Variants in MYCBPAP observed in about 807,000 individuals in gnomAD.
MYCBPAP encodes MYCBP-associated protein.
Under a neutral mutation model 106.1 loss-of-function variants are expected in MYCBPAP, and 60 were observed. The observed-to-expected ratio is 0.57, with a 90% CI of 0.46 to 0.70. The LOEUF (loss-of-function observed/expected upper bound fraction) is 0.70, where lower values mean the gene tolerates loss of function less well. Ranked by LOEUF, MYCBPAP falls within the 30% of genes least tolerant of loss-of-function variation. The pLI is 0.00. For missense variants in MYCBPAP, 1,064 were observed against 1,169.3 expected (o/e 0.91, Z 1.31); for synonymous variants, 407 against 440.6 (o/e 0.92, Z 0.95).
chr17:50,517,159 A>G, intron 2 of MYCBPAP, 134 bp from the exon 3 acceptor site: 1 of 797,590 alleles, frequency 1.3e-6, no homozygotes, highest in Non-Finnish European at 2.1e-6. Flanking sequence ...CCTTGACAGA[A>G]CATATGGACA....
At chr17:50,518,032 T>C (rs902906682) in intron 4 of MYCBPAP, among the ~76,000 whole-genome samples, 2 of 152,210 alleles carry the variant, frequency 1.3e-5, no homozygotes, top group Non-Finnish European at 2.9e-5. Flanking sequence ...ACTGTCTTGA[T>C]TTTCCCTTCT....
intron 15 of MYCBPAP, among the ~76,000 whole-genome samples, chr17:50,527,700 G>A (rs376241743): frequency 1.5e-3 from 231 of 152,258 alleles, no homozygotes; most frequent in African/African-American, 5.2e-3. Context: ...AAGAAGACGG[G>A]GGGCAGATTC....
chr17:50,516,781 C>T lies in MYCBPAP; in HGVS notation c.204+84C>T, dbSNP rs971504717. 1.9e-5 allele frequency: 28 copies of T among 1,512,148 alleles called. No homozygotes were observed. In the African/African-American group the frequency reaches 2.8e-4, roughly 15 times the overall value. 93.7% of individuals were successfully genotyped at this position (1,512,148 alleles called of 1,614,324 possible). A position where few individuals can be genotyped will look rare whatever the true frequency, so the allele number is the denominator to read the frequency against. On this transcript the variant is annotated intron_variant, in intron 2 of 18. Transcript: ENST00000323776. The stretch of plus-strand genomic sequence containing the variant: ...GTGGTCTAGAACACCAGCCATGTCC[C>T]TACTCATGGGGAGTGTCTAACTCCA...
chr17:50,521,872 C>A, intron 9 of MYCBPAP, 101 bp from the exon 10 acceptor site: 2 of 1,012,546 alleles, frequency 2.0e-6, no homozygotes, highest in Admixed American at 1.8e-5. Context: ...CAGGGTAGAG[C>A]TGGTTGTGTT....
chr17:50,521,027 G>A (rs914076115), intron 7 of MYCBPAP, 83 bp from the exon 8 acceptor site: 4 of 1,063,790 alleles, frequency 3.8e-6, no homozygotes, highest in Non-Finnish European at 5.6e-6. Flanking sequence ...TGTTGGGATA[G>A]GCACTCTCAG....
intron 12 of MYCBPAP, among the ~76,000 whole-genome samples, chr17:50,524,107 C>T (rs374287107): frequency 5.3e-5 from 8 of 152,300 alleles, no homozygotes; most frequent in South Asian, 2.1e-4. Context: ...TTTTGTTCAT[C>T]GCTGTCTGGT....
At chr17:50,512,447 T>C (rs1482419437) in intron 1 of MYCBPAP, among the ~76,000 whole-genome samples, 2 of 152,158 alleles carry the variant, frequency 1.3e-5, no homozygotes, top group Admixed American at 1.3e-4. Flanking sequence ...CTGGAGCATC[T>C]TGGTTTGCCG....
intron 1 of MYCBPAP, chr17:50,515,824 T>G (rs1398285901): frequency 6.6e-6 from 1 of 152,232 alleles, no homozygotes; most frequent in Non-Finnish European, 1.5e-5. Context: ...ATGGAACATC[T>G]TTTTTGTATA....
Position 50,519,738 on chromosome 17 carries a change from G to A in MYCBPAP, c.867G>A (p.Met289Ile), listed in dbSNP as rs568381203. 17 of 1,614,114 alleles carry A rather than the reference G, an allele frequency of 1.1e-5. No homozygotes were observed. The East Asian group carries it at 3.6e-4, about 34-fold the overall frequency. Residue 289 changes from methionine (M) to isoleucine (I), a missense_variant, in exon 7 of 19, where the codon ATG (methionine) becomes ATA (isoleucine). By Grantham distance (10) the Met-to-Ile change is conservative. Transcript: ENST00000323776. ...MTKTKTQRGL[M>I]EPITHIRKPH... ...AGACAAAAACTCAGCGTGGCCTCAT[G>A]GAGCCCATCACTCACATCAGGAAGC...
chr17:50,514,077 A>T (rs2033956433), intron 1 of MYCBPAP, among the ~76,000 whole-genome samples: 1 of 152,156 alleles, frequency 6.6e-6, no homozygotes, highest in Non-Finnish European at 1.5e-5. Context: ...ATTTTTAAGG[A>T]TAGGTTCTCC....
At chr17:50,515,309 T>C (rs112040745) in intron 1 of MYCBPAP, among the ~76,000 whole-genome samples, 32 of 152,110 alleles carry the variant, frequency 2.1e-4, no homozygotes, top group Admixed American at 1.1e-3. Flanking sequence ...TTGTTTCCCA[T>C]TGGGCATGTG....
At chr17:50,519,819 C>T (rs763154764) in intron 7 of MYCBPAP, 32 bp downstream of exon 7, 1 of 1,604,220 alleles carries the variant, frequency 6.2e-7, no homozygotes, top group Non-Finnish European at 8.5e-7. Flanking sequence ...CAGCTAGCAT[C>T]TTGTGCCTGG....
At chr17:50,528,951 T>A (rs2034548484) in intron 17 of MYCBPAP, 67 bp from the exon 18 acceptor site, 1 of 1,598,830 alleles carries the variant, frequency 6.3e-7, no homozygotes, top group Admixed American at 1.7e-5. Flanking sequence ...AGTGAGCTAC[T>A]GTTGAGGACA....
chr17:50,515,255 C>G (rs913551833), intron 1 of MYCBPAP, among the ~76,000 whole-genome samples: 7 of 152,168 alleles, frequency 4.6e-5, no homozygotes, highest in East Asian at 3.9e-4. Context: ...TGTTCCCCCC[C>G]ACCATGTTCC....
At chr17:50,511,775 A>G (rs1555618326) in intron 1 of MYCBPAP, among the ~76,000 whole-genome samples, 1 of 152,176 alleles carries the variant, frequency 6.6e-6, no homozygotes, top group Non-Finnish European at 1.5e-5. Flanking sequence ...GGGCCTGTAT[A>G]GGCTCAGTAG....
chr17:50,528,401 C>A (rs920672319), intron 16 of MYCBPAP, 131 bp downstream of exon 16: 1 of 845,880 alleles, frequency 1.2e-6, no homozygotes, highest in African/African-American at 1.7e-5. Context: ...TGGAGTAGGC[C>A]CCTTACCCCT....
chr17:50,531,301 C>A, intron 18 of MYCBPAP, 26 bp from the exon 19 acceptor site: 1 of 1,539,596 alleles, frequency 6.5e-7, no homozygotes, highest in Non-Finnish European at 8.9e-7. Flanking sequence ...GTAAACTCTG[C>A]CTGTGATGTT....
At chr17:50,524,808 C>T in intron 12 of MYCBPAP, 69 bp from the exon 13 acceptor site, 1 of 1,545,382 alleles carries the variant, frequency 6.5e-7, no homozygotes, top group South Asian at 1.2e-5. Flanking sequence ...CTGGGGGCTC[C>T]AACTTCCTGA....
At chr17:50,528,600 T>C in intron 16 of MYCBPAP, 95 bp from the exon 17 acceptor site, 1 of 1,505,676 alleles carries the variant, frequency 6.6e-7, no homozygotes, top group Admixed American at 2.1e-5. Context: ...TATTGCCCTT[T>C]GCTTTTCCAC....
Sources: allele counts gnomAD v4.1 joint callset (sites outside exome capture counted in the v4.1 genomes callset), GRCh38; gene constraint gnomAD v4.1.1; transcripts MANE v1.5; gene names NCBI Gene and HGNC (gene_info 2026-07-23, HGNC 2026-07-21).